The following SHISA9 variants were observed in gnomAD, a reference collection of about 807,000 sequenced individuals.
The protein encoded by SHISA9 is shisa family member 9.
A neutral mutation model predicts 38.0 loss-of-function variants in SHISA9; 13 were observed. That is an observed-to-expected ratio of 0.34 (90% CI 0.22 to 0.54). The LOEUF (loss-of-function observed/expected upper bound fraction) is 0.54, where lower values mean the gene tolerates loss of function less well. SHISA9 is among the 20% of genes least tolerant of loss of function. The pLI is 0.91. For missense variants in SHISA9, 538 were observed against 575.8 expected (o/e 0.93, Z 0.67); for synonymous variants, 275 against 242.0 (o/e 1.14, Z -1.27).
chr16:12,940,615 C>T (rs1349543025), intron 2 of SHISA9, among the ~76,000 whole-genome samples: 1 of 152,232 alleles, frequency 6.6e-6, no homozygotes, highest in East Asian at 1.9e-4. Flanking sequence ...TGTGTGCTCT[C>T]ACCATTGCTC....
At chr16:13,046,733 C>T (rs944453390) in intron 2 of SHISA9, among the ~76,000 whole-genome samples, 1 of 152,188 alleles carries the variant, frequency 6.6e-6, no homozygotes, top group Admixed American at 6.5e-5. Flanking sequence ...CTCTCCTCTC[C>T]AATCCAGCCA....
chr16:13,116,851 A>G (rs10492782), intron 2 of SHISA9, among the ~76,000 whole-genome samples: 7,634 of 152,296 alleles, frequency 0.05, 296 homozygotes, highest in East Asian at 0.17. Flanking sequence ...ATTAGTGACC[A>G]TGTGATAAAT....
chr16:13,283,848 C>T, the SHISA9 span, among the ~76,000 whole-genome samples: 5 of 152,104 alleles, frequency 3.3e-5, no homozygotes, highest in African/African-American at 7.2e-5. Context: ...TCTCTCGGCA[C>T]TCTTTTTCCT....
intron 2 of SHISA9, among the ~76,000 whole-genome samples, chr16:13,064,832 T>C (rs2073416146): frequency 6.7e-6 from 1 of 148,856 alleles, no homozygotes; most frequent in African/African-American, 2.5e-5. Flanking sequence ...ATGAGAAAGA[T>C]TACCCTCACC....
At chr16:13,018,447 A>G (rs2072783282) in intron 2 of SHISA9, among the ~76,000 whole-genome samples, 1 of 152,098 alleles carries the variant, frequency 6.6e-6, no homozygotes, top group Non-Finnish European at 1.5e-5. Context: ...CCCACCTGCT[A>G]GCATTTGCCC....
chr16:12,914,114 C>T (rs1596526225), intron 1 of SHISA9, among the ~76,000 whole-genome samples: 2 of 147,588 alleles, frequency 1.4e-5, no homozygotes, highest in South Asian at 2.2e-4. Flanking sequence ...GGCGCGATCT[C>T]GGCTCACTGC....
intron 4 of SHISA9, among the ~76,000 whole-genome samples, chr16:13,224,288 C>T (rs1169113789): frequency 6.6e-6 from 1 of 152,174 alleles, no homozygotes; most frequent in Non-Finnish European, 1.5e-5. Flanking sequence ...CCTCCCTTCC[C>T]CCGAGCTAGG....
intron 2 of SHISA9, among the ~76,000 whole-genome samples, chr16:12,992,492 A>G (rs1007982109): frequency 6.6e-6 from 1 of 152,060 alleles, no homozygotes; most frequent in Non-Finnish European, 1.5e-5. Flanking sequence ...AGGTTGTGCC[A>G]CTGGACTCCA....
chr16:13,436,256 C>G, the SHISA9 span, among the ~76,000 whole-genome samples: 3 of 152,310 alleles, frequency 2.0e-5, no homozygotes, highest in Middle Eastern at 3.4e-3. Flanking sequence ...CGTAAAGAAA[C>G]CAGCCAAAAC....
chr16:13,276,375 A>G, the SHISA9 span, among the ~76,000 whole-genome samples: 2 of 152,090 alleles, frequency 1.3e-5, no homozygotes, highest in Non-Finnish European at 2.9e-5. Context: ...CACTATAAAC[A>G]TGCATGTACA....
rs1051565551 is a variant in SHISA9 at position 13,072,665 on chromosome 16, C to CT, written c.692-130716dup. Among the ~76,000 whole-genome samples the CT allele has an allele frequency of 2.4e-3, 350 of 145,708 alleles. 2 individuals carry two copies. The highest frequency in any genetic ancestry group is 4.0e-3 in the East Asian group (20 of 5,040). On this transcript the variant is annotated intron_variant, in intron 2 of 4. Transcript: ENST00000558583. ...TTATTTTATTTTAAAAAAGTAAAAT[C>CT]TTTTTTTTTTTTTGAGACGGAGTCT... is the stretch of plus-strand genomic sequence containing the variant.
chr16:13,536,932 G>A, the SHISA9 span, among the ~76,000 whole-genome samples: 1 of 152,162 alleles, frequency 6.6e-6, no homozygotes, highest in Non-Finnish European at 1.5e-5. Context: ...AAATTCCACA[G>A]TCTTTCTCCA....
the SHISA9 span, among the ~76,000 whole-genome samples, chr16:13,424,877 A>G: frequency 1.4e-4 from 21 of 152,244 alleles, no homozygotes; most frequent in Non-Finnish European, 2.8e-4. Context: ...TGGAGTCTTC[A>G]GGTATCTTTG....
chr16:13,385,480 G>A, the SHISA9 span, among the ~76,000 whole-genome samples: 1 of 146,800 alleles, frequency 6.8e-6, no homozygotes, highest in Non-Finnish European at 1.5e-5. Context: ...AACAAACTGT[G>A]GTATATCCAT....
the SHISA9 span, among the ~76,000 whole-genome samples, chr16:13,417,552 T>C: frequency 6.6e-6 from 1 of 152,232 alleles, no homozygotes; most frequent in Non-Finnish European, 1.5e-5. Flanking sequence ...TGTACTCACT[T>C]CTTTCTTCAA....
chr16:13,264,215 T>C, the SHISA9 span, among the ~76,000 whole-genome samples: 3 of 150,884 alleles, frequency 2.0e-5, no homozygotes, highest in African/African-American at 7.3e-5. Context: ...TGCTCTTTTG[T>C]CCAGGTTGGA....
chr16:13,029,498 A>C, intron 2 of SHISA9, among the ~76,000 whole-genome samples: 1 of 152,260 alleles, frequency 6.6e-6, no homozygotes, highest in Admixed American at 6.5e-5. Flanking sequence ...GTCCGAGCCT[A>C]CTCGGGAGGC....
intron 2 of SHISA9, among the ~76,000 whole-genome samples, chr16:13,109,226 G>A (rs1021861813): frequency 3.9e-5 from 6 of 152,006 alleles, no homozygotes; most frequent in African/African-American, 1.2e-4. Context: ...TGGGTTTGCT[G>A]TGTTACCCAG....
chr16:13,267,211 A>T, the SHISA9 span, among the ~76,000 whole-genome samples: 4 of 152,350 alleles, frequency 2.6e-5, no homozygotes, highest in African/African-American at 9.6e-5. Flanking sequence ...TTATTACAAA[A>T]ATCACTAAGA....
Sources: allele counts gnomAD v4.1 joint callset (sites outside exome capture counted in the v4.1 genomes callset), GRCh38; gene constraint gnomAD v4.1.1; transcripts MANE v1.5; gene names NCBI Gene and HGNC (gene_info 2026-07-23, HGNC 2026-07-21).